COL14A1: variants seen among roughly 807,000 people sequenced by gnomAD.
COL14A1 encodes collagen type XIV alpha 1 chain.
COL14A1 carries 136 observed loss-of-function variants against 230.3 expected under a neutral mutation model. That is an observed-to-expected ratio of 0.59 (90% CI 0.51 to 0.68). The LOEUF (loss-of-function observed/expected upper bound fraction) is 0.68. Ranked by LOEUF, COL14A1 falls within the 30% of genes least tolerant of loss-of-function variation. The probability of loss-of-function intolerance (pLI) is 0.00; values close to 1 mark genes in which losing one functional copy is unlikely to be tolerated. For missense variants in COL14A1, 1,976 were observed against 2,215.8 expected (o/e 0.89, Z 2.17); for synonymous variants, 792 against 784.1 (o/e 1.01, Z -0.17).
At chr8:120,339,075 C>T (rs1004831961) in intron 42 of COL14A1, among the ~76,000 whole-genome samples, 2 of 152,222 alleles carry the variant, frequency 1.3e-5, no homozygotes, top group Non-Finnish European at 2.9e-5. Flanking sequence ...TCTCCTGCCT[C>T]AGCCTCCCGA....
intron 33 of COL14A1, among the ~76,000 whole-genome samples, chr8:120,286,570 C>T (rs529102227): frequency 7.9e-5 from 12 of 152,142 alleles, no homozygotes; most frequent in African/African-American, 1.7e-4. Context: ...AGTGCAGTGG[C>T]GCGATCTTGG....
In COL14A1 at chr8:120,227,253, A is replaced by G. The variant is rs1563683296; in HGVS notation, c.2038A>G (p.Ile680Val). The G allele has an allele frequency of 6.2e-7, 1 of 1,613,976 alleles. No homozygotes were observed. Among genetic ancestry groups the G allele is most frequent in the Non-Finnish European group, 8.5e-7 (1 of 1,179,960 alleles). Residue 680 changes from isoleucine to valine, a missense_variant, in exon 17 of 48, where the codon ATT becomes GTT. Ile to Val is a conservative substitution (Grantham distance 29). Around this residue, in one of 3 missense-constraint regions of COL14A1, gnomAD observed 1,791 missense variants for 2,019.5 expected, o/e 0.89. Transcript: ENST00000297848. ...VLKEEQDSHV[I>V]EGLEPGTEYE... is the part of the protein sequence containing the mutation. ...GAAAGAAGAGCAGGACTCACATGTT[A>G]TTGAAGGCCTGGAGCCCGGTACGGA...
chr8:120,175,453 A>AT (rs1440836007), intron 5 of COL14A1, among the ~76,000 whole-genome samples: 5 of 151,850 alleles, frequency 3.3e-5, no homozygotes, highest in Admixed American at 6.6e-5. Context: ...TTTTTAATGG[A>AT]TTTTTTAAAA....
At chr8:120,286,592 C>T (rs1193345545) in intron 33 of COL14A1, among the ~76,000 whole-genome samples, 1 of 152,166 alleles carries the variant, frequency 6.6e-6, no homozygotes, top group Non-Finnish European at 1.5e-5. Context: ...TCACTACAAG[C>T]TCTGCCTCCC....
In COL14A1 at chr8:120,324,984, A is replaced by G. The variant is rs753117304; in HGVS notation, c.4660-7157A>G. On this transcript the variant is annotated intron_variant, in intron 40 of 47. Transcript: ENST00000297848. ...TAGAAACTTGAAAAAAAGCACATAC[A>G]TTTGTTCTATAGTATGGAAAAGAAA... 1.1e-3 allele frequency among the ~76,000 whole-genome samples: 161 copies of G among 152,178 alleles called. 3 individuals are homozygous for G. The highest frequency in any genetic ancestry group is 0.01 in the Admixed American group (159 of 15,280).
chr8:120,230,700 A>G (rs914230929), intron 18 of COL14A1, among the ~76,000 whole-genome samples: 5 of 152,182 alleles, frequency 3.3e-5, no homozygotes, highest in African/African-American at 9.7e-5. Flanking sequence ...GTTAATAACT[A>G]TATAAAAACC....
intron 26 of COL14A1, chr8:120,277,802 T>C (rs925295532): frequency 3.0e-5 from 5 of 164,602 alleles, no homozygotes; most frequent in Non-Finnish European, 6.5e-5. Context: ...AACTGCCTAT[T>C]GGGAACTATG....
intron 45 of COL14A1, among the ~76,000 whole-genome samples, chr8:120,351,380 C>T (rs201796307): frequency 2.1e-5 from 3 of 139,552 alleles, no homozygotes; most frequent in East Asian, 4.4e-4. Context: ...CAAGACATAA[C>T]TAAAATCAGA....
intron 36 of COL14A1, among the ~76,000 whole-genome samples, chr8:120,303,948 T>G (rs1433780220): frequency 6.6e-6 from 1 of 152,178 alleles, no homozygotes; most frequent in Non-Finnish European, 1.5e-5. Flanking sequence ...GGGAATCAAT[T>G]TCTTTCTGGT....
At chr8:120,358,545 A>C (rs899155512) in intron 45 of COL14A1, among the ~76,000 whole-genome samples, 26 of 152,088 alleles carry the variant, frequency 1.7e-4, no homozygotes, top group Non-Finnish European at 3.2e-4. Flanking sequence ...TGGTGACAGC[A>C]GATTACTGCC....
intron 10 of COL14A1, 68 bp downstream of exon 10, chr8:120,207,162 A>G (rs1586766025): frequency 1.6e-6 from 2 of 1,284,146 alleles, no homozygotes; most frequent in East Asian, 5.1e-5. Flanking sequence ...TAGTGAGAAC[A>G]AGGCAGAAAT....
At position 120,367,215 on chromosome 8, in the gene COL14A1, A is replaced by G; in HGVS notation, c.5122A>G (p.Thr1708Ala). 4 of 1,613,664 alleles carry G rather than the reference A, an allele frequency of 2.5e-6. No individual in the cohort carries two copies. The highest frequency in any genetic ancestry group is 3.4e-6 in the Non-Finnish European group (4 of 1,179,814). Reference sequence around the variant, plus strand: ...AGAAAAAGGAAATCCAGGCGTTGGAACCCAAGGTCCAAGAGGCCCCCCTGG... The same window carrying G: ...AGAAAAAGGAAATCCAGGCGTTGGAGCCCAAGGTCCAAGAGGCCCCCCTGG... The part of the protein sequence containing the change: ...KGEKGNPGVG[T>A]QGPRGPPGPA... Residue 1708 changes from threonine (T) to alanine (A), a missense_variant, in exon 46 of 48, where the codon ACC (threonine) becomes GCC (alanine). Transcript: ENST00000297848.
intron 11 of COL14A1, among the ~76,000 whole-genome samples, chr8:120,208,719 T>G (rs1481498032): frequency 6.6e-6 from 1 of 152,172 alleles, no homozygotes; most frequent in Admixed American, 6.5e-5. Flanking sequence ...TCCATAGCTC[T>G]CCCGCCCAAT....
rs544784297 is a variant in COL14A1, at chr8:120,165,104, G to T, written c.349+2535G>T. ...TTAGCTGTGTTATTTTTATTGGCAG[G>T]ATAGAGGGATTTGTTCTGCCCAAAT... On this transcript the variant is annotated intron_variant, in intron 4 of 47. Transcript: ENST00000297848. Among the ~76,000 whole-genome samples, 16 of 152,328 alleles carry T rather than the reference G, an allele frequency of 1.1e-4. 1 individual carries two copies. In the East Asian group the frequency reaches 3.1e-3, roughly 29 times the overall value.
At chr8:120,286,502 T>A (rs1484482615) in intron 33 of COL14A1, among the ~76,000 whole-genome samples, 3 of 152,098 alleles carry the variant, frequency 2.0e-5, no homozygotes, top group South Asian at 2.1e-4. Context: ...TAATTTAATT[T>A]ATTTATTTAT....
At chr8:120,248,839 A>G (rs965754226) in intron 21 of COL14A1, among the ~76,000 whole-genome samples, 47 of 151,796 alleles carry the variant, frequency 3.1e-4, no homozygotes, top group African/African-American at 1.1e-3. Context: ...TGGGCAACAA[A>G]GCAAGACCCT....
intron 40 of COL14A1, among the ~76,000 whole-genome samples, chr8:120,323,096 A>G (rs1373871672): frequency 6.6e-6 from 1 of 152,128 alleles, no homozygotes; most frequent in African/African-American, 2.4e-5. Flanking sequence ...TTAACTTTTT[A>G]ATAATAGGCA....
intron 5 of COL14A1, among the ~76,000 whole-genome samples, chr8:120,193,152 C>T (rs1174303750): frequency 3.3e-5 from 5 of 152,298 alleles, no homozygotes; most frequent in African/African-American, 1.2e-4. Context: ...TTTTTCTGCT[C>T]TGTTTTTTCC....
intron 45 of COL14A1, 118 bp downstream of exon 45, chr8:120,345,681 C>A: frequency 1.1e-6 from 1 of 874,926 alleles, no homozygotes; most frequent in Non-Finnish European, 1.6e-6. Flanking sequence ...ATTAATTCTG[C>A]CCCATCTATT....
Sources: gnomAD v4.1 joint callset for allele counts (sites outside exome capture counted in the v4.1 genomes callset) on GRCh38, gnomAD v4.1.1 for gene constraint, gnomAD v4.1.1 regional missense constraint, MANE v1.5 for transcripts, NCBI Gene and HGNC (gene_info 2026-07-23, HGNC 2026-07-21) for gene names.